Variants in RB1 observed in about 807,000 individuals in gnomAD.
RB1 encodes retinoblastoma-associated protein.
A neutral mutation model predicts 135.4 loss-of-function variants in RB1; 18 were observed. The observed-to-expected ratio is 0.13, with a 90% CI of 0.09 to 0.20. The LOEUF (loss-of-function observed/expected upper bound fraction) is 0.20, where lower values mean the gene tolerates loss of function less well. Ranked by LOEUF, RB1 falls within the 10% of genes least tolerant of loss-of-function variation. The pLI, the probability that RB1 is intolerant of heterozygous loss-of-function variation, is 1.00. For synonymous variants in RB1, 365 were observed against 373.2 expected, an observed-to-expected ratio of 0.98 and a Z score of 0.25; for missense variants, 868 against 1,110.0, an observed-to-expected ratio of 0.78 and a Z score of 3.10.
intron 17 of RB1, among the ~76,000 whole-genome samples, chr13:48,430,840 G>A (rs1036649259): frequency 6.6e-6 from 1 of 152,038 alleles, no homozygotes; most frequent in African/African-American, 2.4e-5. Context: ...CAGAAGGATT[G>A]ATTTCTGGAG....
chr13:48,368,484 G>T lies in RB1; in HGVS notation c.1050-43G>T, dbSNP rs771010266. ...TTTTTTGATGCATAAAGCACAAATT[G>T]TAAATTTTCAGTATGTGAATGACTT... On this transcript the variant is annotated intron_variant, in intron 10 of 26. Transcript: ENST00000267163. 5.0e-6 allele frequency: 8 copies of T among 1,609,896 alleles called. No individual in the cohort carries two copies. The East Asian group carries it at 1.8e-4, about 36-fold the overall frequency.
intron 2 of RB1, among the ~76,000 whole-genome samples, chr13:48,339,527 C>T (rs1952422383): frequency 6.6e-6 from 1 of 152,162 alleles, no homozygotes; most frequent in South Asian, 2.1e-4. Flanking sequence ...TGGAAAAGCG[C>T]AGTATTAGGG....
rs4151501 is a variant in RB1, at chr13:48,367,383, C to T, written c.940-111C>T. ...TTGCATGCGAACTCAGTGTATATTA[C>T]AAAATTAAATGTATATTATACAAAA... On this transcript the variant is annotated intron_variant, in intron 9 of 26. Coordinates refer to ENST00000267163, the MANE Select transcript of RB1 (RefSeq NM_000321.3). The T allele has an allele frequency of 1.8e-3, 2,133 of 1,199,056 alleles. 24 individuals are homozygous for T. The African/African-American group carries it at 0.029, about 16-fold the overall frequency. 74.3% of individuals were successfully genotyped at this position (1,199,056 alleles called of 1,614,324 possible). A position where few individuals can be genotyped will look rare whatever the true frequency, so the allele number is the denominator to read the frequency against.
Position 48,436,804 on chromosome 13 carries a change from C to A in RB1, c.1696-16189C>A, listed in dbSNP as rs561343732. On this transcript the variant is annotated intron_variant, in intron 17 of 26. Transcript: ENST00000267163. ...TATTTTCTATTCTAGTTTCCTCTTG[C>A]GAGGCAAAACAGTCTTAGAATTTAG... Among the ~76,000 whole-genome samples, 15 of 152,258 alleles carry A rather than the reference C, an allele frequency of 9.9e-5. 2 individuals are homozygous for A. The highest frequency in any genetic ancestry group is 3.4e-4 in the African/African-American group (14 of 41,536).
At chr13:48,327,634 T>G (rs1183345634) in intron 2 of RB1, among the ~76,000 whole-genome samples, 1 of 152,206 alleles carries the variant, frequency 6.6e-6, no homozygotes, top group African/African-American at 2.4e-5. Context: ...TTCAGTAACA[T>G]TTTCCTCCCA....
intron 17 of RB1, among the ~76,000 whole-genome samples, chr13:48,382,048 G>T (rs942383863): frequency 6.6e-6 from 1 of 152,072 alleles, no homozygotes; most frequent in Non-Finnish European, 1.5e-5. Flanking sequence ...TGGCTGCATA[G>T]TATATATGTG....
At chr13:48,392,574 C>A (rs1287332892) in intron 17 of RB1, among the ~76,000 whole-genome samples, 2 of 151,950 alleles carry the variant, frequency 1.3e-5, no homozygotes, top group African/African-American at 4.8e-5. Flanking sequence ...CTATAGTTTT[C>A]ATTTCTAGAA....
At chr13:48,436,778 C>G (rs1301883803) in intron 17 of RB1, among the ~76,000 whole-genome samples, 1 of 152,190 alleles carries the variant, frequency 6.6e-6, no homozygotes, top group East Asian at 1.9e-4. Context: ...CAAAATTCTT[C>G]TATTTTCTAT....
At chr13:48,314,000 G>A (rs779638589) in intron 2 of RB1, among the ~76,000 whole-genome samples, 1 of 151,892 alleles carries the variant, frequency 6.6e-6, no homozygotes, top group Non-Finnish European at 1.5e-5. Flanking sequence ...CGCCCACCTC[G>A]GCCTCCCAAA....
chr13:48,417,423 G>C (rs1372265337), intron 17 of RB1: 3 of 152,150 alleles, frequency 2.0e-5, no homozygotes, highest in Non-Finnish European at 2.9e-5. Context: ...CCATTTGAAG[G>C]TCACCAACAT....
Position 48,476,862 on chromosome 13 carries a change from T to C in RB1, c.2663+19T>C. 6.2e-7 allele frequency: 1 copy of C among 1,612,654 alleles called. No homozygotes were observed. ...ATGGAAGGTAGGAACCAGTTTTGAATGTTTTCCAGTAGCCGAGATGGTCAT... is the reference window on the plus strand; with the variant it reads ...ATGGAAGGTAGGAACCAGTTTTGAACGTTTTCCAGTAGCCGAGATGGTCAT... On this transcript the variant is annotated intron_variant, in intron 25 of 26. Coordinates refer to ENST00000267163, the MANE Select transcript of RB1 (RefSeq NM_000321.3).
At chr13:48,455,611 A>G (rs796479824) in intron 18 of RB1, among the ~76,000 whole-genome samples, 83 of 152,384 alleles carry the variant, frequency 5.4e-4, no homozygotes, top group African/African-American at 1.8e-3. Context: ...GAAAATCAGA[A>G]AGTAGATCTA....
intron 17 of RB1, among the ~76,000 whole-genome samples, chr13:48,433,144 T>C (rs1949147143): frequency 6.6e-6 from 1 of 152,150 alleles, no homozygotes; most frequent in Non-Finnish European, 1.5e-5. Flanking sequence ...AACATACATG[T>C]AAGCTACTAA....
At chr13:48,442,109 C>T (rs1396171456) in intron 17 of RB1, among the ~76,000 whole-genome samples, 1 of 152,176 alleles carries the variant, frequency 6.6e-6, no homozygotes, top group South Asian at 2.1e-4. Flanking sequence ...TTCAGACATG[C>T]TAGCTTCAAG....
Position 48,319,240 on chromosome 13 carries a change from C to T in RB1, c.264+11834C>T. The T allele has an allele frequency of 1.2e-6, 1 of 808,658 alleles. No homozygotes were observed. Among genetic ancestry groups the T allele is most frequent in the South Asian group, 1.6e-5 (1 of 61,294 alleles). The allele number at this position is 808,658 out of a possible 1,614,324, so 50.1% of individuals were successfully genotyped here. A position where few individuals can be genotyped will look rare whatever the true frequency, so the allele number is the denominator to read the frequency against. ...TAGCTGGGTGTTTTCCTGTGGGTCT[C>T]GCGCAAGGCACTTTTTTGTGGCGCT... On this transcript the variant is annotated intron_variant, in intron 2 of 26. Coordinates refer to ENST00000267163, the MANE Select transcript of RB1 (RefSeq NM_000321.3). This position sits in a 1 kb window ranked among gnomAD's most constrained non-coding sequence, Gnocchi z 5.0.
intron 26 of RB1, 36 bp from the exon 27 acceptor site, chr13:48,479,962 A>G (rs1187535998): frequency 1.9e-6 from 3 of 1,579,520 alleles, no homozygotes; most frequent in Non-Finnish European, 2.6e-6. Flanking sequence ...ACCCAGTACC[A>G]TCAATGCTGT....
In RB1 at chr13:48,465,373, G is replaced by C. The variant is rs1949434078; in HGVS notation, c.2489+5G>C. On this transcript the variant is annotated splice_donor_5th_base_variant and intron_variant, in intron 23 of 26. Transcript: ENST00000267163. ...AAAAATGACTCCAAGATCAAGGTGT[G>C]TGTTTTCTCTTTAGGGAAGTAGTAA... 2 of 1,591,718 alleles carry C rather than the reference G, an allele frequency of 1.3e-6. No individual in the cohort carries two copies. The highest frequency in any genetic ancestry group is 1.7e-6 in the Non-Finnish European group (2 of 1,159,662).
At chr13:48,348,231 A>G (rs1952515491) in intron 5 of RB1, among the ~76,000 whole-genome samples, 2 of 151,960 alleles carry the variant, frequency 1.3e-5, no homozygotes, top group Admixed American at 1.3e-4. Context: ...AAAAATCTGT[A>G]TTAAAATTTC....
chr13:48,454,878 T>C (rs1181788391), intron 18 of RB1, among the ~76,000 whole-genome samples: 1 of 152,128 alleles, frequency 6.6e-6, no homozygotes, highest in Non-Finnish European at 1.5e-5. Context: ...CTAGTGTGGC[T>C]GGGGTATTGG....
Sources: allele counts gnomAD v4.1 joint callset (sites outside exome capture counted in the v4.1 genomes callset), GRCh38; gene constraint gnomAD v4.1.1; non-coding constraint Gnocchi (gnomAD v3.1); transcripts MANE v1.5; gene names NCBI Gene and HGNC (gene_info 2026-07-23, HGNC 2026-07-21).